CNTLN: variants seen among roughly 807,000 people sequenced by gnomAD.
The protein encoded by CNTLN is centlein.
CNTLN carries 212 observed loss-of-function variants against 180.0 expected under a neutral mutation model. The observed-to-expected ratio is 1.18, with a 90% CI of 1.05 to 1.32. The LOEUF (loss-of-function observed/expected upper bound fraction) is 1.32, where lower values mean the gene tolerates loss of function less well. Among genes scored for constraint, CNTLN ranks in the 40% most tolerant of loss-of-function variants. The pLI, the probability that CNTLN is intolerant of heterozygous loss-of-function variation, is 0.00. For missense variants in CNTLN, 2,095 were observed against 1,610.9 expected, an observed-to-expected ratio of 1.30 and a Z score of -5.14; for synonymous variants, 722 against 563.1, an observed-to-expected ratio of 1.28 and a Z score of -3.99.
rs979560493 is a variant in CNTLN at position 17,143,164 on chromosome 9, T to C, written c.361-124T>C. ...TTTTACCCCATTCCTTTAAAGAGAA[T>C]CAGTTGATGTAGTTATACAACTAGG... On this transcript the variant is annotated intron_variant, in intron 1 of 25. Transcript: ENST00000380647. 4.8e-6 allele frequency: 3 copies of C among 630,540 alleles called. No individual in the cohort carries two copies. In the African/African-American group the frequency reaches 5.5e-5, roughly 12 times the overall value. 39.1% of individuals were successfully genotyped at this position (630,540 alleles called of 1,614,324 possible). A position where few individuals can be genotyped will look rare whatever the true frequency, so the allele number is the denominator to read the frequency against.
rs1313298532 is a variant in CNTLN at position 17,371,364 on chromosome 9, A to G, written c.1987+4647A>G. 2.0e-5 allele frequency among the ~76,000 whole-genome samples: 3 copies of G among 152,148 alleles called. No homozygotes were observed. The South Asian group carries it at 6.2e-4, about 32-fold the overall frequency. On this transcript the variant is annotated intron_variant, in intron 13 of 25. Coordinates refer to ENST00000380647, the MANE Select transcript of CNTLN (RefSeq NM_017738.4). ...CAAATAGATTTCAAGCAAAAACTGT[A>G]AGAGACAAAGGTCATTATATAATGA...
At chr9:17,350,225 A>G (rs779048478) in intron 12 of CNTLN, among the ~76,000 whole-genome samples, 1 of 152,224 alleles carries the variant, frequency 6.6e-6, no homozygotes, top group Non-Finnish European at 1.5e-5. Context: ...TATATTACAC[A>G]TTGTCAACCA....
chr9:17,419,688 A>G (rs1828553076), intron 18 of CNTLN, among the ~76,000 whole-genome samples: 1 of 152,180 alleles, frequency 6.6e-6, no homozygotes, highest in Non-Finnish European at 1.5e-5. Context: ...AAATAACCTT[A>G]TACCCTTCAG....
intron 13 of CNTLN, among the ~76,000 whole-genome samples, chr9:17,369,770 T>G (rs907337198): frequency 6.6e-6 from 1 of 151,790 alleles, no homozygotes. Flanking sequence ...GAGGATCACC[T>G]AATGTCAGGA....
Position 17,464,577 on chromosome 9 carries a change from A to T in CNTLN, c.3485A>T (p.Glu1162Val), listed in dbSNP as rs377129807. 122 of 1,515,876 alleles carry T rather than the reference A, an allele frequency of 8.0e-5. No homozygotes were observed. The highest frequency in any genetic ancestry group is 1.1e-4 in the Non-Finnish European group (121 of 1,132,790). The allele number at this position is 1,515,876 out of a possible 1,614,324, so 93.9% of individuals were successfully genotyped here. A position where few individuals can be genotyped will look rare whatever the true frequency, so the allele number is the denominator to read the frequency against. ...DLKFRQKVNL[E>V]SNKSFSEMLQ... ...AAATTTCGACAGAAAGTAAATTTGGAAAGTAACAAGAGTTTTAGTGAAATG... is the reference window on the plus strand; with the variant it reads ...AAATTTCGACAGAAAGTAAATTTGGTAAGTAACAAGAGTTTTAGTGAAATG... Residue 1162 changes from glutamate to valine, a missense_variant, in exon 21 of 26, where the codon GAA becomes GTA. Coordinates refer to ENST00000380647, the MANE Select transcript of CNTLN (RefSeq NM_017738.4).
chr9:17,410,188 A>T (rs1298215793), intron 16 of CNTLN, among the ~76,000 whole-genome samples: 1 of 152,040 alleles, frequency 6.6e-6, no homozygotes, highest in East Asian at 1.9e-4. Flanking sequence ...TTTTATAGAA[A>T]TTTTTGCTGC....
intron 13 of CNTLN, among the ~76,000 whole-genome samples, chr9:17,382,931 A>G (rs1006201414): frequency 6.6e-6 from 1 of 152,130 alleles, no homozygotes; most frequent in Non-Finnish European, 1.5e-5. Context: ...AATCAGCAAA[A>G]TAAAACCCCA....
rs141480109 is a variant in CNTLN, at chr9:17,145,138, G to A, written c.449+1762G>A. Reference sequence around the variant, plus strand: ...TTACAGGCGTGAGCCACCGCACCCGGCCTGGAGAATTTATTAAAATGAAGA... The same window carrying A: ...TTACAGGCGTGAGCCACCGCACCCGACCTGGAGAATTTATTAAAATGAAGA... On this transcript the variant is annotated intron_variant, in intron 2 of 25. Transcript: ENST00000380647. 1.6e-3 allele frequency among the ~76,000 whole-genome samples: 244 copies of A among 150,174 alleles called. 3 individuals carry two copies. The highest frequency in any genetic ancestry group is 5.7e-3 in the African/African-American group (235 of 40,890).
At chr9:17,434,834 G>GA (rs542656019) in intron 18 of CNTLN, among the ~76,000 whole-genome samples, 50 of 145,216 alleles carry the variant, frequency 3.4e-4, no homozygotes, top group Non-Finnish European at 2.9e-4. Flanking sequence ...AGTTCTTTAA[G>GA]AAAAAAAAAA....
chr9:17,291,549 C>T (rs566292253), intron 6 of CNTLN, among the ~76,000 whole-genome samples: 1 of 152,282 alleles, frequency 6.6e-6, no homozygotes, highest in African/African-American at 2.4e-5. Flanking sequence ...GAACCCTTTA[C>T]CATTATGTAA....
At chr9:17,411,213 C>G (rs954655673) in intron 16 of CNTLN, among the ~76,000 whole-genome samples, 32 of 152,056 alleles carry the variant, frequency 2.1e-4, no homozygotes, top group African/African-American at 7.5e-4. Flanking sequence ...ACCTGAAATC[C>G]CCAACCTAGA....
rs150834583 is a variant in CNTLN, at chr9:17,368,716, G to A, written c.1987+1999G>A. Among the ~76,000 whole-genome samples the A allele has an allele frequency of 2.9e-3, 438 of 152,326 alleles. 4 individuals carry two copies. The highest frequency in any genetic ancestry group is 0.01 in the African/African-American group (418 of 41,578). On this transcript the variant is annotated intron_variant, in intron 13 of 25. Transcript: ENST00000380647. ...AAGAGTCTCTGCCTGGTAATCCAGA[G>A]AATTCTTCCGGATCTTATCCAAGAC... is the stretch of plus-strand genomic sequence containing the variant.
At chr9:17,299,779 T>C in intron 7 of CNTLN, 2 of 983,202 alleles carry the variant, frequency 2.0e-6, no homozygotes, top group Non-Finnish European at 2.4e-6. Context: ...ACTAATTAAT[T>C]GTTTTCTCTT....
chr9:17,230,818 G>A (rs1426429263), intron 3 of CNTLN, among the ~76,000 whole-genome samples: 2 of 151,936 alleles, frequency 1.3e-5, no homozygotes, highest in Admixed American at 1.3e-4. Flanking sequence ...TTGTTTTATG[G>A]TTCCTCTGAG....
intron 2 of CNTLN, among the ~76,000 whole-genome samples, chr9:17,197,469 A>G (rs140696542): frequency 2.9e-3 from 441 of 152,238 alleles, no homozygotes; most frequent in African/African-American, 9.8e-3. Flanking sequence ...GTTTTGTTAC[A>G]TATGTATACA....
chr9:17,269,272 T>G (rs1827761111), intron 5 of CNTLN, among the ~76,000 whole-genome samples: 1 of 152,320 alleles, frequency 6.6e-6, no homozygotes, highest in African/African-American at 2.4e-5. Context: ...ACCACTACTC[T>G]AATCTTTCTT....
At chr9:17,159,652 G>C (rs143138296) in intron 2 of CNTLN, among the ~76,000 whole-genome samples, 12 of 152,238 alleles carry the variant, frequency 7.9e-5, no homozygotes, top group African/African-American at 2.9e-4. Flanking sequence ...TGTTCTTCCC[G>C]GGAAGAAAAC....
intron 1 of CNTLN, among the ~76,000 whole-genome samples, chr9:17,136,046 C>A (rs1817694108): frequency 2.6e-5 from 4 of 152,226 alleles, no homozygotes; most frequent in Admixed American, 1.3e-4. Context: ...TGTGATCTTG[C>A]CAGTGAAAAA....
chr9:17,458,704 A>C (rs1201049200), intron 19 of CNTLN, among the ~76,000 whole-genome samples: 1 of 151,928 alleles, frequency 6.6e-6, no homozygotes, highest in Non-Finnish European at 1.5e-5. Context: ...GCTTGAAAAT[A>C]ATTTGCTTTA....
Sources: gnomAD v4.1 joint callset for allele counts (sites outside exome capture counted in the v4.1 genomes callset) on GRCh38, gnomAD v4.1.1 for gene constraint, MANE v1.5 for transcripts, NCBI Gene and HGNC (gene_info 2026-07-23, HGNC 2026-07-21) for gene names.